The following RNF130 variants were observed in gnomAD, a reference collection of about 807,000 sequenced individuals.
The protein encoded by RNF130 is E3 ubiquitin-protein ligase RNF130.
RNF130 carries 21 observed loss-of-function variants against 44.6 expected under a neutral mutation model. The observed-to-expected ratio is 0.47, with a 90% CI of 0.33 to 0.68. The LOEUF is 0.68. Ranked by LOEUF, RNF130 falls within the 30% of genes least tolerant of loss-of-function variation. The pLI, the probability that RNF130 is intolerant of heterozygous loss-of-function variation, is 0.02. For missense variants in RNF130, 479 were observed against 560.6 expected, an observed-to-expected ratio of 0.85 and a Z score of 1.47; for synonymous variants, 214 against 210.4, an observed-to-expected ratio of 1.02 and a Z score of -0.15.
At chr5:180,045,096 TTAAG>T (rs1383672048) in intron 1 of RNF130, among the ~76,000 whole-genome samples, 1 of 152,088 alleles carries the variant, frequency 6.6e-6, no homozygotes, top group African/African-American at 2.4e-5. Context: ...TCTTGCAAAA[TTAAG>T]TAAGACGATA....
chr5:179,990,721 C>T (rs1267811124), intron 3 of RNF130, among the ~76,000 whole-genome samples: 1 of 152,212 alleles, frequency 6.6e-6, no homozygotes, highest in Non-Finnish European at 1.5e-5. Context: ...CCAAGGAGCC[C>T]TCTGGTGGCC....
At chr5:179,994,685 TG>T (rs1238859857) in intron 3 of RNF130, among the ~76,000 whole-genome samples, 3 of 152,190 alleles carry the variant, frequency 2.0e-5, no homozygotes, top group African/African-American at 7.2e-5. Context: ...CATAACCTCC[TG>T]AGAAGCTGGG....
At chr5:179,945,239 C>T (rs1762020471) in intron 7 of RNF130, among the ~76,000 whole-genome samples, 1 of 152,182 alleles carries the variant, frequency 6.6e-6, no homozygotes, top group African/African-American at 2.4e-5. Flanking sequence ...CCCTCCACTA[C>T]GATGAGCAAG....
chr5:179,920,706 C>T (rs761133233), intron 7 of RNF130, among the ~76,000 whole-genome samples: 3 of 151,936 alleles, frequency 2.0e-5, no homozygotes, highest in East Asian at 1.9e-4. Context: ...CACTTAGAAA[C>T]GTGAAGACTT....
intron 3 of RNF130, among the ~76,000 whole-genome samples, chr5:179,993,180 A>T (rs1763129002): frequency 6.6e-6 from 1 of 152,248 alleles, no homozygotes; most frequent in Non-Finnish European, 1.5e-5. Context: ...TGACGCAATA[A>T]ACATACGTGT....
rs532103962 is a variant in RNF130, at chr5:180,057,920, G to A, written c.247+13536C>T. ...GTCCCACTACCTACAACCGGTGTCT[G>A]AAGTAGGGGGCGGTTTTGTGGGACT... On this transcript the variant is annotated intron_variant, in intron 1 of 8. Transcript: ENST00000521389. Among the ~76,000 whole-genome samples the A allele has an allele frequency of 9.2e-5, 14 of 152,312 alleles. No homozygotes were observed. In the South Asian group the frequency reaches 2.9e-3, roughly 32 times the overall value.
intron 3 of RNF130, among the ~76,000 whole-genome samples, chr5:180,006,368 T>C (rs775763091): frequency 6.6e-5 from 10 of 152,220 alleles, no homozygotes; most frequent in Admixed American, 2.0e-4. Context: ...AACCTTTCTC[T>C]GACACAGGAA....
chr5:179,980,536 T>C (rs1762810083), intron 3 of RNF130: 4 of 275,194 alleles, frequency 1.5e-5, no homozygotes, highest in Non-Finnish European at 2.9e-5. Flanking sequence ...AACCTACTTC[T>C]TGCACACTCC....
chr5:180,070,874 T>C (rs1283144019), intron 1 of RNF130, among the ~76,000 whole-genome samples: 2 of 152,198 alleles, frequency 1.3e-5, no homozygotes, highest in African/African-American at 4.8e-5. Flanking sequence ...TTCCGATTAG[T>C]GTCAGATCCT....
downstream of RNF130, among the ~76,000 whole-genome samples, chr5:179,953,769 T>C (rs1762160932): frequency 6.6e-6 from 1 of 152,188 alleles, no homozygotes; most frequent in Non-Finnish European, 1.5e-5. Context: ...TTCAACTTCA[T>C]CTAAATTTAA....
At chr5:180,050,961 G>A (rs1473342953) in intron 1 of RNF130, among the ~76,000 whole-genome samples, 1 of 151,614 alleles carries the variant, frequency 6.6e-6, no homozygotes, top group Non-Finnish European at 1.5e-5. Flanking sequence ...GCACCACCAT[G>A]CCTGGCTAAT....
At chr5:179,973,990 C>A (rs1418350852) in intron 5 of RNF130, among the ~76,000 whole-genome samples, 1 of 152,158 alleles carries the variant, frequency 6.6e-6, no homozygotes, top group Non-Finnish European at 1.5e-5. Flanking sequence ...TTTCCTATGT[C>A]CCACACATGC....
downstream of RNF130, among the ~76,000 whole-genome samples, chr5:179,954,470 A>G (rs1762172057): frequency 6.6e-6 from 1 of 152,226 alleles, no homozygotes. Flanking sequence ...CGCCAGACAC[A>G]AAAGGCCACA....
In RNF130 at chr5:179,945,276, G is replaced by A. The variant is rs558239450; in HGVS notation, c.1150+21530C>T. On this transcript the variant is annotated intron_variant, in intron 7 of 7. Coordinates refer to the RNF130 transcript ENST00000522208. ...CTCAGTCCCACACCCTGCAGGGTGT[G>A]CTGACTGCACCTGGGAAAACAGTGG... is the stretch of plus-strand genomic sequence containing the variant. Among the ~76,000 whole-genome samples the A allele has an allele frequency of 8.0e-3, 1,219 of 152,202 alleles. 18 individuals are homozygous for A. The highest frequency in any genetic ancestry group is 0.028 in the African/African-American group (1,163 of 41,510).
downstream of RNF130, among the ~76,000 whole-genome samples, chr5:179,951,544 C>T (rs1029489898): frequency 1.3e-4 from 20 of 152,130 alleles, no homozygotes; most frequent in Admixed American, 6.5e-4. Flanking sequence ...CCACCACGCC[C>T]GGCTAATTTT....
rs185492941 is a variant in RNF130, at chr5:180,042,024, T to C, written c.248-1377A>G. On this transcript the variant is annotated intron_variant, in intron 1 of 8. Coordinates refer to ENST00000521389, the MANE Select transcript of RNF130 (RefSeq NM_018434.6). ...CACCACTGAACTCCAGCCTGGGTGATAGAACAAGACCTTGTCTCAAAACAA... is the reference window on the plus strand; with the variant it reads ...CACCACTGAACTCCAGCCTGGGTGACAGAACAAGACCTTGTCTCAAAACAA... 2.8e-4 allele frequency among the ~76,000 whole-genome samples: 42 copies of C among 152,220 alleles called. No homozygotes were observed. The East Asian group carries it at 4.4e-3, about 16-fold the overall frequency.
At chr5:179,935,024 G>C (rs948512485) in intron 7 of RNF130, among the ~76,000 whole-genome samples, 2 of 152,062 alleles carry the variant, frequency 1.3e-5, no homozygotes. Flanking sequence ...GCTGAATTAC[G>C]TAAGTTTTGA....
intron 3 of RNF130, among the ~76,000 whole-genome samples, chr5:179,986,480 G>A (rs944286561): frequency 6.6e-6 from 1 of 152,212 alleles, no homozygotes; most frequent in Admixed American, 6.5e-5. Flanking sequence ...AACTATGTGA[G>A]AACCACAAGA....
At chr5:179,930,763 GCGT>G (rs1258516314) in intron 7 of RNF130, among the ~76,000 whole-genome samples, 3 of 152,164 alleles carry the variant, frequency 2.0e-5, no homozygotes, top group Non-Finnish European at 4.4e-5. Context: ...TGGAGGCTGG[GCGT>G]GGTGGCTCAT....
Sources: allele counts gnomAD v4.1 joint callset (sites outside exome capture counted in the v4.1 genomes callset), GRCh38; gene constraint gnomAD v4.1.1; transcripts MANE v1.5; gene names NCBI Gene and HGNC (gene_info 2026-07-23, HGNC 2026-07-21).